Variants in GNAQ observed in about 807,000 individuals in gnomAD.
GNAQ encodes the protein guanine nucleotide-binding protein G(q) subunit alpha.
A neutral mutation model predicts 43.9 loss-of-function variants in GNAQ; 8 were observed. That is an observed-to-expected ratio of 0.18 (90% CI 0.11 to 0.33). The LOEUF is 0.33. GNAQ is among the 10% of genes least tolerant of loss of function. The pLI is 1.00. For missense variants in GNAQ, 158 were observed against 450.8 expected, an observed-to-expected ratio of 0.35 and a Z score of 5.88; for synonymous variants, 155 against 170.7, an observed-to-expected ratio of 0.91 and a Z score of 0.71.
At chr9:77,881,197 C>CT in intron 2 of GNAQ, among the ~76,000 whole-genome samples, 1 of 152,038 alleles carries the variant, frequency 6.6e-6, no homozygotes, top group Non-Finnish European at 1.5e-5. Flanking sequence ...TATGCCGCAC[C>CT]CCCCCCAAAA....
At chr9:77,793,392 T>A (rs1225051662) in intron 5 of GNAQ, among the ~76,000 whole-genome samples, 1 of 152,100 alleles carries the variant, frequency 6.6e-6, no homozygotes, top group East Asian at 1.9e-4. Flanking sequence ...TAGACATTGG[T>A]TCACGGAAAC....
chr9:77,901,201 T>C (rs1364994551), intron 2 of GNAQ, among the ~76,000 whole-genome samples: 6 of 152,104 alleles, frequency 3.9e-5, no homozygotes, highest in Non-Finnish European at 7.4e-5. Flanking sequence ...ATGCCACCTG[T>C]ATTCCAAAAA....
chr9:77,957,786 G>A (rs1003500015), intron 1 of GNAQ, among the ~76,000 whole-genome samples: 3 of 152,192 alleles, frequency 2.0e-5, no homozygotes, highest in Admixed American at 1.3e-4. Context: ...GGGAACTGTG[G>A]AAGTGCAGAG....
chr9:77,761,943 A>G (rs1587904201), intron 5 of GNAQ, among the ~76,000 whole-genome samples: 1 of 106,176 alleles, frequency 9.4e-6, no homozygotes, highest in Non-Finnish European at 1.9e-5. Context: ...TCCGGGAGGG[A>G]GGTGCGGGGG....
At chr9:77,737,153 G>T (rs757609795) in intron 5 of GNAQ, among the ~76,000 whole-genome samples, 22 of 152,064 alleles carry the variant, frequency 1.4e-4, no homozygotes, top group Admixed American at 5.9e-4. Context: ...CCTCCTTCCA[G>T]TACTCTCTCT....
At chr9:77,752,251 A>G (rs1587898100) in intron 5 of GNAQ, among the ~76,000 whole-genome samples, 1 of 152,242 alleles carries the variant, frequency 6.6e-6, no homozygotes, top group Admixed American at 6.5e-5. Context: ...AAATGGCAGG[A>G]GTATTCCAAA....
intron 2 of GNAQ, among the ~76,000 whole-genome samples, chr9:77,867,081 A>C (rs959480365): frequency 2.0e-5 from 3 of 152,086 alleles, no homozygotes; most frequent in African/African-American, 7.2e-5. Flanking sequence ...TCAGAGATCA[A>C]TTGCATCATC....
At chr9:77,727,402 C>G (rs571857685) in intron 6 of GNAQ, among the ~76,000 whole-genome samples, 4 of 152,288 alleles carry the variant, frequency 2.6e-5, no homozygotes, top group African/African-American at 9.6e-5. Flanking sequence ...TACCAATCAC[C>G]AAGTGTTCAA....
intron 2 of GNAQ, among the ~76,000 whole-genome samples, chr9:77,870,158 T>C (rs1259655929): frequency 1.3e-5 from 2 of 152,178 alleles, no homozygotes. Flanking sequence ...AAAGTGATCT[T>C]CTACATTGAG....
intron 1 of GNAQ, among the ~76,000 whole-genome samples, chr9:77,967,778 G>A (rs1229651845): frequency 2.6e-5 from 4 of 152,064 alleles, no homozygotes; most frequent in Non-Finnish European, 5.9e-5. Context: ...TCAGCAGTTC[G>A]AAACCAGCCT....
intron 2 of GNAQ, among the ~76,000 whole-genome samples, chr9:77,912,496 G>T (rs992747314): frequency 3.9e-5 from 6 of 152,078 alleles, no homozygotes; most frequent in African/African-American, 1.4e-4. Flanking sequence ...AGTAGGCAAA[G>T]ATTACTTTAA....
chr9:77,907,362 C>A (rs192202934), intron 2 of GNAQ, among the ~76,000 whole-genome samples: 2 of 151,966 alleles, frequency 1.3e-5, no homozygotes, highest in Non-Finnish European at 2.9e-5. Context: ...CAACCCAGAA[C>A]AGCAGGAAAG....
intron 6 of GNAQ, among the ~76,000 whole-genome samples, chr9:77,723,745 A>AGAC (rs552535987): frequency 4.5e-4 from 69 of 152,338 alleles, no homozygotes; most frequent in Admixed American, 1.4e-3. Flanking sequence ...AAACTCATAA[A>AGAC]GACAGAAAGT....
intron 2 of GNAQ, among the ~76,000 whole-genome samples, chr9:77,899,895 G>A (rs528053721): frequency 2.0e-5 from 3 of 152,186 alleles, no homozygotes; most frequent in South Asian, 2.1e-4. Context: ...GATCCCTGCC[G>A]CCTCAAAAGC....
chr9:77,912,156 T>A (rs1257464119), intron 2 of GNAQ, among the ~76,000 whole-genome samples: 1 of 152,164 alleles, frequency 6.6e-6, no homozygotes, highest in African/African-American at 2.4e-5. Context: ...ATTAAAACAT[T>A]GCAAAGCTCA....
intron 2 of GNAQ, among the ~76,000 whole-genome samples, chr9:77,898,200 T>C (rs1828534060): frequency 6.6e-6 from 1 of 152,200 alleles, no homozygotes; most frequent in South Asian, 2.1e-4. Flanking sequence ...ATGCTGTGCA[T>C]TACTGTTACT....
intron 2 of GNAQ, among the ~76,000 whole-genome samples, chr9:77,910,546 T>C (rs1221404838): frequency 6.6e-6 from 1 of 152,182 alleles, no homozygotes; most frequent in Non-Finnish European, 1.5e-5. Context: ...CAGGTTTGTC[T>C]AAGCAGCTGA....
chr9:78,009,395 T>A (rs138302693), intron 1 of GNAQ, among the ~76,000 whole-genome samples: 730 of 152,058 alleles, frequency 4.8e-3, no homozygotes, highest in Non-Finnish European at 8.3e-3. Flanking sequence ...GACAGGAGAG[T>A]GTGCCATAGT....
chr9:77,896,926 T>C (rs1446052198), intron 2 of GNAQ, among the ~76,000 whole-genome samples: 1 of 152,256 alleles, frequency 6.6e-6, no homozygotes, highest in Admixed American at 6.5e-5. Flanking sequence ...TGACAACATA[T>C]GACACATTGC....
Sources: allele counts gnomAD v4.1 joint callset (sites outside exome capture counted in the v4.1 genomes callset), GRCh38; gene constraint gnomAD v4.1.1; transcripts MANE v1.5; gene names NCBI Gene and HGNC (gene_info 2026-07-23, HGNC 2026-07-21).